Variants in AGBL4 observed in about 807,000 individuals in gnomAD.
AGBL4 encodes AGBL carboxypeptidase 4.
A neutral mutation model predicts 66.4 loss-of-function variants in AGBL4; 58 were observed. The ratio of observed to expected loss-of-function variants is 0.87; its 90% CI spans 0.71 to 1.09. The LOEUF is 1.09. Among genes scored for constraint, AGBL4 ranks in the 50% least tolerant of loss-of-function variants. The pLI is 0.00. For missense variants in AGBL4, 579 were observed against 631.0 expected (o/e 0.92, Z 0.88); for synonymous variants, 234 against 222.9 (o/e 1.05, Z -0.44).
At chr1:49,273,356 T>C (rs990876846) in intron 3 of AGBL4, among the ~76,000 whole-genome samples, 2 of 151,630 alleles carry the variant, frequency 1.3e-5, no homozygotes, top group African/African-American at 4.8e-5. Context: ...ACAAAGTATA[T>C]TAAAAATAAA....
rs1194005938 is a variant in AGBL4, at chr1:48,793,166, C to T, written c.634+74025G>A. On this transcript the variant is annotated intron_variant, in intron 6 of 13. Coordinates refer to ENST00000371839, the MANE Select transcript of AGBL4 (RefSeq NM_032785.4). ...GCTGTGTCTCTAGGCCATATTCCTT[C>T]CAGCTAAGCCTCTCTGCCAGATAAT... is the stretch of plus-strand genomic sequence containing the variant. Among the ~76,000 whole-genome samples the T allele has an allele frequency of 4.6e-5, 7 of 152,300 alleles. No individual in the cohort carries two copies. The East Asian group carries it at 1.3e-3, about 29-fold the overall frequency.
intron 6 of AGBL4, among the ~76,000 whole-genome samples, chr1:48,767,877 A>G (rs1016433280): frequency 7.9e-5 from 12 of 152,210 alleles, no homozygotes; most frequent in African/African-American, 2.7e-4. Flanking sequence ...AGCTACTACA[A>G]TGTCAGCTAA....
intron 2 of AGBL4, 142 bp from the exon 3 acceptor site, chr1:49,697,579 C>T (rs933165261): frequency 1.8e-5 from 12 of 675,236 alleles, no homozygotes; most frequent in Non-Finnish European, 2.7e-5. Context: ...ATCCAAAGGG[C>T]TGCCAAGTCT....
rs142548051 is a variant in AGBL4, at chr1:49,638,547, A to T, written c.282+58766T>A. On this transcript the variant is annotated intron_variant, in intron 3 of 13. Transcript: ENST00000371839. ...TTGAATTGTAGCTCTCATAATCCCC[A>T]TGTGTCATGGGATGGATCTGGTGAG... is the stretch of plus-strand genomic sequence containing the variant. Among the ~76,000 whole-genome samples, 31 of 152,200 alleles carry T rather than the reference A, an allele frequency of 2.0e-4. No homozygotes were observed. In the East Asian group the frequency reaches 5.8e-3, roughly 29 times the overall value.
chr1:49,916,957 A>C (rs1406254047), intron 1 of AGBL4, among the ~76,000 whole-genome samples: 4 of 152,194 alleles, frequency 2.6e-5, no homozygotes, highest in Non-Finnish European at 4.4e-5. Context: ...AGAATTTTCA[A>C]CCTAGAATTT....
intron 3 of AGBL4, among the ~76,000 whole-genome samples, chr1:49,582,929 T>C (rs1644573479): frequency 6.6e-6 from 1 of 152,192 alleles, no homozygotes; most frequent in Admixed American, 6.5e-5. Flanking sequence ...TCAGCAAAAG[T>C]GGTTTTTGCC....
intron 5 of AGBL4, among the ~76,000 whole-genome samples, chr1:48,941,663 A>C (rs1370622344): frequency 6.6e-6 from 1 of 152,232 alleles, no homozygotes; most frequent in Non-Finnish European, 1.5e-5. Flanking sequence ...GTGATGCAGA[A>C]ATACAGTTAA....
chr1:49,333,170 A>G (rs1645368020), intron 3 of AGBL4, among the ~76,000 whole-genome samples: 1 of 151,944 alleles, frequency 6.6e-6, no homozygotes, highest in Non-Finnish European at 1.5e-5. Context: ...CCCAGAACTT[A>G]AAGTATAATA....
chr1:49,304,563 A>G (rs1346283733), intron 3 of AGBL4, among the ~76,000 whole-genome samples: 4 of 152,150 alleles, frequency 2.6e-5, no homozygotes, highest in African/African-American at 9.7e-5. Flanking sequence ...CCAGTTGCAG[A>G]TGGTTATCAA....
chr1:48,548,238 C>A (rs1644195497), intron 11 of AGBL4, among the ~76,000 whole-genome samples: 1 of 151,368 alleles, frequency 6.6e-6, no homozygotes, highest in Non-Finnish European at 1.5e-5. Flanking sequence ...GTGCTGGGGC[C>A]AAGAAGAAGA....
At chr1:49,298,022 ATTT>A (rs2148438477) in intron 3 of AGBL4, among the ~76,000 whole-genome samples, 1 of 152,216 alleles carries the variant, frequency 6.6e-6, no homozygotes, top group East Asian at 1.9e-4. Context: ...CTGCCTTTGA[ATTT>A]GCTAGCCTAA....
chr1:49,111,274 G>A (rs554001563), intron 4 of AGBL4, among the ~76,000 whole-genome samples: 22 of 152,184 alleles, frequency 1.4e-4, no homozygotes, highest in Non-Finnish European at 2.5e-4. Context: ...CACCACGCCC[G>A]GCTAATTTTT....
At chr1:48,540,897 A>G (rs2354469) in intron 11 of AGBL4, among the ~76,000 whole-genome samples, 1 of 151,470 alleles carries the variant, frequency 6.6e-6, no homozygotes, top group Admixed American at 6.6e-5. Flanking sequence ...TCCATTTTCT[A>G]CCGTGCAGCC....
chr1:49,504,232 G>A (rs115845637), intron 3 of AGBL4, among the ~76,000 whole-genome samples: 2,205 of 151,942 alleles, frequency 0.015, 39 homozygotes, highest in African/African-American at 0.04. Flanking sequence ...CTTCTTCTTC[G>A]CCTTCTGCCA....
At chr1:48,530,552 T>C (rs547705044), downstream of AGBL4, among the ~76,000 whole-genome samples, 3 of 152,172 alleles carry the variant, frequency 2.0e-5, no homozygotes, top group Non-Finnish European at 2.9e-5. Context: ...AAAAAGCTTC[T>C]AGACAAAGGC....
At chr1:49,245,285 C>T (rs1188378808) in intron 4 of AGBL4, among the ~76,000 whole-genome samples, 1 of 150,692 alleles carries the variant, frequency 6.6e-6, no homozygotes, top group Admixed American at 6.7e-5. Flanking sequence ...CACACACACA[C>T]ACACACACAC....
intron 7 of AGBL4, among the ~76,000 whole-genome samples, chr1:48,655,619 G>A (rs1043545824): frequency 4.6e-5 from 7 of 152,208 alleles, no homozygotes; most frequent in Non-Finnish European, 1.0e-4. Context: ...TTAGCTGCCT[G>A]ACACAGCACC....
intron 3 of AGBL4, among the ~76,000 whole-genome samples, chr1:49,346,750 T>G (rs1645640206): frequency 6.6e-6 from 1 of 152,170 alleles, no homozygotes; most frequent in South Asian, 2.1e-4. Flanking sequence ...AGAAGATAGA[T>G]CTTCATCCTT....
intron 3 of AGBL4, among the ~76,000 whole-genome samples, chr1:49,646,294 G>A (rs898123805): frequency 1.3e-5 from 2 of 151,852 alleles, no homozygotes; most frequent in African/African-American, 4.8e-5. Flanking sequence ...AAAATTCTAT[G>A]GAATCTATGT....
Sources: allele counts gnomAD v4.1 joint callset (sites outside exome capture counted in the v4.1 genomes callset), GRCh38; gene constraint gnomAD v4.1.1; transcripts MANE v1.5; gene names NCBI Gene and HGNC (gene_info 2026-07-23, HGNC 2026-07-21).